Variants in STK17A observed in about 807,000 individuals in gnomAD.
STK17A encodes serine/threonine kinase 17a.
Under a neutral mutation model 43.7 loss-of-function variants are expected in STK17A, and 26 were observed. That is an observed-to-expected ratio of 0.60 (90% CI 0.44 to 0.83). The LOEUF is 0.83. Among genes scored for constraint, STK17A ranks in the 40% least tolerant of loss-of-function variants. The pLI is 0.00. For missense variants in STK17A, 476 were observed against 511.6 expected (o/e 0.93, Z 0.67); for synonymous variants, 191 against 182.5 (o/e 1.05, Z -0.38).
At position 43,608,579 on chromosome 7, in the gene STK17A, A is replaced by G. The variant is rs1054099859; in HGVS notation, c.564+179A>G. 5 of 591,694 alleles carry G rather than the reference A, an allele frequency of 8.5e-6. No individual in the cohort carries two copies. The Admixed American group carries it at 1.4e-4, about 17-fold the overall frequency. 36.7% of individuals were successfully genotyped at this position (591,694 alleles called of 1,614,324 possible). On this transcript the variant is annotated intron_variant, in intron 3 of 6. Transcript: ENST00000319357. ...TAGTTTTATCAGGGAGATAATGCACACATGTGTACATGGAAAGATACAAAA... is the reference window on the plus strand; with the variant it reads ...TAGTTTTATCAGGGAGATAATGCACGCATGTGTACATGGAAAGATACAAAA...
intron 3 of STK17A, among the ~76,000 whole-genome samples, chr7:43,616,777 GTC>G (rs35855544): frequency 0.019 from 2,856 of 152,178 alleles, 94 homozygotes; most frequent in African/African-American, 0.066. Context: ...GGCTCCTGTA[GTC>G]CCAGCTACTC....
At chr7:43,603,683 T>C (rs1349258407) in intron 2 of STK17A, among the ~76,000 whole-genome samples, 3 of 152,190 alleles carry the variant, frequency 2.0e-5, no homozygotes, top group Admixed American at 1.3e-4. Flanking sequence ...ATGCTAAGGA[T>C]AGAATAACTA....
intron 3 of STK17A, among the ~76,000 whole-genome samples, chr7:43,617,885 T>C (rs1042820319): frequency 6.6e-5 from 10 of 151,910 alleles, no homozygotes; most frequent in Non-Finnish European, 1.3e-4. Context: ...CAGCCAGAGA[T>C]AGGAAGAAAG....
intron 1 of STK17A, among the ~76,000 whole-genome samples, chr7:43,586,113 T>C (rs896846127): frequency 6.6e-6 from 1 of 151,616 alleles, no homozygotes; most frequent in African/African-American, 2.4e-5. Flanking sequence ...CTAATTAATC[T>C]CACGCTGATA....
At chr7:43,598,469 C>CAAAAAAAA (rs61683967) in intron 2 of STK17A, among the ~76,000 whole-genome samples, 1 of 80,428 alleles carries the variant, frequency 1.2e-5, no homozygotes. Flanking sequence ...GACTCCGTCT[C>CAAAAAAAA]AAAAAAAAAA....
In STK17A at chr7:43,624,804, C is replaced by G; in HGVS notation, c.1207C>G (p.Pro403Ala). 1.2e-6 allele frequency: 2 copies of G among 1,605,672 alleles called. No individual in the cohort carries two copies. Among genetic ancestry groups the G allele is most frequent in the Non-Finnish European group, 1.7e-6 (2 of 1,175,414 alleles). The change falls in exon 7 of 7, where the codon CCT (proline) becomes GCT (alanine). Residue 403 changes from proline to alanine, a missense_variant. Pro to Ala is a conservative substitution (Grantham distance 27). Coordinates refer to ENST00000319357, the MANE Select transcript of STK17A (RefSeq NM_004760.3). ...AISKRFKFEE[P>A]LLQEIPGEFI... ...TTCCAAACGATTTAAATTTGAGGAA[C>G]CTTTGCTACAAGAAATTCCAGGAGA...
Position 43,623,893 on chromosome 7 carries a change from GTAT to G in STK17A, c.920+10_920+12del. The G allele has an allele frequency of 4.0e-6, 6 of 1,490,984 alleles. No individual in the cohort carries two copies. Among genetic ancestry groups the G allele is most frequent in the Non-Finnish European group, 5.3e-6 (6 of 1,127,190 alleles). The allele number at this position is 1,490,984 out of a possible 1,614,324, so 92.4% of individuals were successfully genotyped here. On this transcript the variant is annotated splice_donor_region_variant and intron_variant, in intron 6 of 6. Transcript: ENST00000319357. ...ACTTTTAGTTAAGAAACCTGAGTAA[GTAT>G]TATTTTTATTAGTTTAATATTGAAC...
At chr7:43,612,096 C>T (rs2082931949) in intron 3 of STK17A, among the ~76,000 whole-genome samples, 3 of 152,166 alleles carry the variant, frequency 2.0e-5, no homozygotes, top group Admixed American at 2.0e-4. Context: ...CTCTCTAATA[C>T]ACTTGGTTTA....
At chr7:43,601,445 A>G (rs1458379560) in intron 2 of STK17A, among the ~76,000 whole-genome samples, 1 of 152,140 alleles carries the variant, frequency 6.6e-6, no homozygotes, top group Non-Finnish European at 1.5e-5. Flanking sequence ...CTTACCAAGG[A>G]TTTGTTTTTT....
chr7:43,585,218 C>T (rs1475630388), intron 1 of STK17A, among the ~76,000 whole-genome samples: 1 of 151,944 alleles, frequency 6.6e-6, no homozygotes, highest in Non-Finnish European at 1.5e-5. Flanking sequence ...AGGAAAACTA[C>T]GTTTTTCCAT....
chr7:43,584,874 A>G (rs1029044345), intron 1 of STK17A, among the ~76,000 whole-genome samples: 2 of 152,166 alleles, frequency 1.3e-5, no homozygotes, highest in South Asian at 4.1e-4. Flanking sequence ...GACATTCCAA[A>G]CATTCTGAAG....
chr7:43,624,923 T>TTTG lies in STK17A; in HGVS notation c.*81_*82insTTG. On this transcript the variant is annotated 3_prime_UTR_variant, in exon 7 of 7. Coordinates refer to ENST00000319357, the MANE Select transcript of STK17A (RefSeq NM_004760.3). The stretch of plus-strand genomic sequence containing the variant: ...TATGGACCTCTGGCCAAATGGTACA[T>TTTG]GTACTGGAAGTGGATAACCAGTATC... 1 of 1,259,166 alleles carries TTTG rather than the reference T, an allele frequency of 7.9e-7. No homozygotes were observed. Among genetic ancestry groups the TTTG allele is most frequent in the African/African-American group, 1.5e-5 (1 of 66,006 alleles). The allele number at this position is 1,259,166 out of a possible 1,614,324, so 78.0% of individuals were successfully genotyped here.
At chr7:43,597,795 T>C (rs2082528457) in intron 2 of STK17A, among the ~76,000 whole-genome samples, 1 of 151,354 alleles carries the variant, frequency 6.6e-6, no homozygotes, top group Non-Finnish European at 1.5e-5. Flanking sequence ...TAGCTGGGAG[T>C]GGTGGTGCAT....
chr7:43,616,789 C>G (rs2083392381), intron 3 of STK17A, among the ~76,000 whole-genome samples: 1 of 152,116 alleles, frequency 6.6e-6, no homozygotes, highest in East Asian at 1.9e-4. Context: ...CCCAGCTACT[C>G]GGGAGGCTGA....
At chr7:43,617,812 G>C (rs1304904759) in intron 3 of STK17A, among the ~76,000 whole-genome samples, 1 of 152,178 alleles carries the variant, frequency 6.6e-6, no homozygotes, top group African/African-American at 2.4e-5. Context: ...ATCAAGCCTT[G>C]AGAAACCCAG....
chr7:43,623,528 T>C (rs372215385), intron 4 of STK17A, 44 bp from the exon 5 acceptor site: 1 of 1,570,764 alleles, frequency 6.4e-7, no homozygotes, highest in African/African-American at 1.4e-5. Flanking sequence ...AATTAGGAAT[T>C]TTTTTCCACA....
intron 1 of STK17A, among the ~76,000 whole-genome samples, chr7:43,586,259 C>T (rs10248844): frequency 0.14 from 21,259 of 151,034 alleles, 2,636 homozygotes; most frequent in Non-Finnish European, 0.21. Context: ...TCAAACAAAT[C>T]ATTCTTTTTC....
chr7:43,623,534 C>T (rs1178004861), intron 4 of STK17A, 38 bp from the exon 5 acceptor site: 10 of 1,579,668 alleles, frequency 6.3e-6, no homozygotes, highest in African/African-American at 2.7e-5. Context: ...GAATTTTTTT[C>T]CACAAAACTA....
Position 43,623,871 on chromosome 7 carries a change from TTTAG to T in STK17A, c.907_910del (p.Val303ArgfsTer13), listed in dbSNP as rs2084192580. The T allele has an allele frequency of 6.4e-7, 1 of 1,556,340 alleles. No homozygotes were observed. Among genetic ancestry groups the T allele is most frequent in the African/African-American group, 1.4e-5 (1 of 72,790 alleles). On this transcript the variant is annotated frameshift_variant, in exon 6 of 7. Transcript: ENST00000319357. LOFTEE classifies it high-confidence loss of function. ...CGGCTGTTGATTTCATCAGGACACT[TTTAG>T]TTAAGAAACCTGAGTAAGTATTATT... is the stretch of plus-strand genomic sequence containing the variant.
Sources: allele counts gnomAD v4.1 joint callset (sites outside exome capture counted in the v4.1 genomes callset), GRCh38; gene constraint gnomAD v4.1.1; transcripts MANE v1.5; gene names NCBI Gene and HGNC (gene_info 2026-07-23, HGNC 2026-07-21).